Variants in PCDHGA1 observed in about 807,000 individuals in gnomAD.
The protein encoded by PCDHGA1 is protocadherin gamma-A1.
In PCDHGA1, 32 loss-of-function variants were observed where a neutral mutation model predicts 58.0. That is an observed-to-expected ratio of 0.55 (90% CI 0.42 to 0.74). PCDHGA1 has a LOEUF of 0.74. PCDHGA1 is among the 30% of genes least tolerant of loss of function. The probability of loss-of-function intolerance (pLI) is 0.00; values close to 1 mark genes in which losing one functional copy is unlikely to be tolerated. For missense variants in PCDHGA1, 1,205 were observed against 1,182.3 expected (o/e 1.02, Z -0.28); for synonymous variants, 498 against 501.1 (o/e 0.99, Z 0.08).
chr5:141,469,834 T>C (rs1228732202), intron 1 of PCDHGA1, among the ~76,000 whole-genome samples: 4 of 152,068 alleles, frequency 2.6e-5, no homozygotes, highest in African/African-American at 9.7e-5. Context: ...ACATAAAACT[T>C]ATTCTTAAGA....
In PCDHGA1 at chr5:141,384,908, A is replaced by C. The variant is rs868472813; in HGVS notation, c.2421+51803A>C. 24 of 1,613,860 alleles carry C rather than the reference A, an allele frequency of 1.5e-5. 1 individual carries two copies. The highest frequency in any genetic ancestry group is 9.9e-5 in the South Asian group (9 of 91,086). ...GTGGCTGTGGCTGACAGCATCCCCG[A>C]AGTCTTGGCCGACCTGGGCAGCCTT... On this transcript the variant is annotated intron_variant, in intron 1 of 3. Coordinates refer to ENST00000517417, the MANE Select transcript of PCDHGA1 (RefSeq NM_018912.3).
intron 1 of PCDHGA1, chr5:141,360,700 C>G (rs532971055): frequency 6.2e-7 from 1 of 1,613,916 alleles, no homozygotes; most frequent in East Asian, 2.2e-5. Flanking sequence ...TCCAGATGGT[C>G]GTAAATATCC....
At chr5:141,467,672 A>T (rs1410623274) in intron 1 of PCDHGA1, among the ~76,000 whole-genome samples, 2 of 151,636 alleles carry the variant, frequency 1.3e-5, no homozygotes, top group Non-Finnish European at 2.9e-5. Context: ...GAAGATTTTT[A>T]TTTTTTTTAG....
rs1554116817 is a variant in PCDHGA1 at position 141,423,755 on chromosome 5, G to GGC, written c.2422-71051_2422-71050insCG. 3 of 512,420 alleles carry GGC rather than the reference G, an allele frequency of 5.9e-6. No individual in the cohort carries two copies. The African/African-American group carries it at 8.1e-5, about 14-fold the overall frequency. 31.7% of individuals were successfully genotyped at this position (512,420 alleles called of 1,614,324 possible). A position where few individuals can be genotyped will look rare whatever the true frequency, so the allele number is the denominator to read the frequency against. On this transcript the variant is annotated intron_variant, in intron 1 of 3. Coordinates refer to ENST00000517417, the MANE Select transcript of PCDHGA1 (RefSeq NM_018912.3). ...AGCCTGTTATGAAAACTGTTTGGGGGGGGGGTGGGGCGGCATATATTTAGT... is the reference window on the plus strand; with the variant it reads ...AGCCTGTTATGAAAACTGTTTGGGGGGCGGGGGTGGGGCGGCATATATTTAGT...
At chr5:141,427,401 G>A (rs2097022075) in intron 1 of PCDHGA1, 1 of 461,400 alleles carries the variant, frequency 2.2e-6, no homozygotes, top group Non-Finnish European at 4.3e-6. Flanking sequence ...ACATGATAAA[G>A]ATTCGAGAGA....
intron 1 of PCDHGA1, among the ~76,000 whole-genome samples, chr5:141,335,645 T>A (rs891533315): frequency 6.6e-6 from 1 of 152,174 alleles, no homozygotes; most frequent in Non-Finnish European, 1.5e-5. Context: ...TTCTAATAGA[T>A]CCGTTCTGCA....
At chr5:141,473,733 G>A (rs943072050) in intron 1 of PCDHGA1, among the ~76,000 whole-genome samples, 19 of 152,214 alleles carry the variant, frequency 1.2e-4, no homozygotes, top group Admixed American at 3.9e-4. Flanking sequence ...GAGAGAGGGA[G>A]AAGACATGAG....
At chr5:141,349,850 G>GA (rs374639871) in intron 1 of PCDHGA1, among the ~76,000 whole-genome samples, 7 of 151,924 alleles carry the variant, frequency 4.6e-5, no homozygotes, top group Non-Finnish European at 1.0e-4. Flanking sequence ...TTTTTTAAAT[G>GA]AAAAAAGAAT....
chr5:141,379,418 GA>G (rs1208942827), intron 1 of PCDHGA1: 1 of 152,186 alleles, frequency 6.6e-6, no homozygotes, highest in African/African-American at 2.4e-5. Context: ...TTAGTCTCAT[GA>G]GTTAGATGGG....
chr5:141,341,642 C>G (rs890518935), intron 1 of PCDHGA1: 1 of 747,438 alleles, frequency 1.3e-6, no homozygotes, highest in Non-Finnish European at 2.1e-6. Flanking sequence ...CCAAAGAGCA[C>G]TGCATTAGGA....
chr5:141,427,899 G>A, intron 1 of PCDHGA1: 1 of 1,571,372 alleles, frequency 6.4e-7, no homozygotes, highest in Non-Finnish European at 8.7e-7. Flanking sequence ...GGGCTCGCCC[G>A]CGCTCAGCGC....
intron 1 of PCDHGA1, chr5:141,393,645 G>A (rs2092814255): frequency 6.2e-7 from 1 of 1,613,752 alleles, no homozygotes; most frequent in Non-Finnish European, 8.5e-7. Flanking sequence ...CGGAAAAGTG[G>A]CATACAAATT....
chr5:141,361,540 G>A, intron 1 of PCDHGA1: 1 of 1,614,018 alleles, frequency 6.2e-7, no homozygotes, highest in Admixed American at 1.7e-5. Context: ...TCCTCCTGGC[G>A]CCTCTATCGC....
At chr5:141,424,068 G>T in intron 1 of PCDHGA1, 1 of 993,858 alleles carries the variant, frequency 1.0e-6, no homozygotes. Flanking sequence ...TCACTGATTT[G>T]TAGTTATATT....
chr5:141,348,187 A>T (rs986108893), intron 1 of PCDHGA1, among the ~76,000 whole-genome samples: 1 of 152,254 alleles, frequency 6.6e-6, no homozygotes. Context: ...TAGAACTCAA[A>T]CAAAAGAATA....
intron 1 of PCDHGA1, chr5:141,475,934 G>C (rs754356530): frequency 3.0e-6 from 2 of 665,118 alleles, no homozygotes; most frequent in Non-Finnish European, 5.0e-6. Context: ...TCGGGCCCCT[G>C]CCCGTCCCCT....
At chr5:141,399,511 C>T in intron 1 of PCDHGA1, 1 of 1,614,042 alleles carries the variant, frequency 6.2e-7, no homozygotes, top group Non-Finnish European at 8.5e-7. Context: ...CGAAAACAAC[C>T]CTCCTGGGGC....
intron 1 of PCDHGA1, among the ~76,000 whole-genome samples, chr5:141,348,422 C>G (rs1294192949): frequency 6.6e-6 from 1 of 151,974 alleles, no homozygotes; most frequent in Non-Finnish European, 1.5e-5. Context: ...AGGCACGTAA[C>G]TTTTAACATA....
chr5:141,424,393 A>G (rs1241872928), intron 1 of PCDHGA1: 1 of 152,120 alleles, frequency 6.6e-6, no homozygotes, highest in Non-Finnish European at 1.5e-5. Flanking sequence ...TGTCTTTTCC[A>G]TTACTATGGT....
Sources: gnomAD v4.1 joint callset for allele counts (sites outside exome capture counted in the v4.1 genomes callset) on GRCh38, gnomAD v4.1.1 for gene constraint, MANE v1.5 for transcripts, NCBI Gene and HGNC (gene_info 2026-07-23, HGNC 2026-07-21) for gene names.